The following PLSCR4 variants were observed in gnomAD, a reference collection of about 807,000 sequenced individuals.
PLSCR4 encodes the protein Ca(2+)-dependent phospholipid scramblase 4.
A neutral mutation model predicts 36.3 loss-of-function variants in PLSCR4; 25 were observed. The ratio of observed to expected loss-of-function variants is 0.69; its 90% CI spans 0.50 to 0.96. The LOEUF (loss-of-function observed/expected upper bound fraction) is 0.96. Among genes scored for constraint, PLSCR4 ranks in the 40% least tolerant of loss-of-function variants. PLSCR4 has a pLI of 0.00. For synonymous variants in PLSCR4, 122 were observed against 132.9 expected (o/e 0.92, Z 0.56); for missense variants, 408 against 414.7 (o/e 0.98, Z 0.14).
At chr3:146,241,458 T>C (rs1279214616) in intron 1 of PLSCR4, among the ~76,000 whole-genome samples, 3 of 152,036 alleles carry the variant, frequency 2.0e-5, no homozygotes, top group Non-Finnish European at 4.4e-5. Context: ...TAAGAGACAA[T>C]TTCTTAACAA....
At chr3:146,213,061 C>T (rs1220284600) in intron 3 of PLSCR4, among the ~76,000 whole-genome samples, 2 of 152,098 alleles carry the variant, frequency 1.3e-5, no homozygotes, top group African/African-American at 4.8e-5. Context: ...AATCTTTTAT[C>T]CATGGGATAA....
Position 146,192,351 on chromosome 3 carries a change from T to C in PLSCR4, c.*2060A>G, listed in dbSNP as rs1026516585. Reference sequence around the variant, plus strand: ...AAAACAGTGTTTTACTATTAACCATTGTATATTTATTTAAAAGCCATAAAG... The same window carrying C: ...AAAACAGTGTTTTACTATTAACCATCGTATATTTATTTAAAAGCCATAAAG... On this transcript the variant is annotated 3_prime_UTR_variant, in exon 9 of 9. Transcript: ENST00000354952. 1 of 150,546 alleles carries C rather than the reference T, an allele frequency of 6.6e-6. No individual in the cohort carries two copies. The highest frequency in any genetic ancestry group is 2.4e-5 in the African/African-American group (1 of 41,162). 9.3% of individuals were successfully genotyped at this position (150,546 alleles called of 1,614,324 possible).
intron 3 of PLSCR4, among the ~76,000 whole-genome samples, chr3:146,216,423 A>G (rs1232400293): frequency 6.6e-6 from 1 of 150,800 alleles, no homozygotes; most frequent in Non-Finnish European, 1.5e-5. Flanking sequence ...AGAGAAAGCT[A>G]TGTTGATTAA....
In PLSCR4 at chr3:146,218,148, C is replaced by T. The variant is rs766458146; in HGVS notation, c.118+2667G>A. Among the ~76,000 whole-genome samples the T allele has an allele frequency of 1.2e-4, 18 of 151,870 alleles. No individual in the cohort carries two copies. The South Asian group carries it at 1.3e-3, about 11-fold the overall frequency. On this transcript the variant is annotated intron_variant, in intron 3 of 8. Coordinates refer to ENST00000354952, the MANE Select transcript of PLSCR4 (RefSeq NM_020353.3). The stretch of plus-strand genomic sequence containing the variant: ...GAGTTAAGTGAGAAAAAAAGTATAA[C>T]GTATTTGGAAAAAAGTGAAGGTAAG...
intron 1 of PLSCR4, among the ~76,000 whole-genome samples, chr3:146,243,308 C>A (rs1002597625): frequency 2.0e-5 from 3 of 151,892 alleles, no homozygotes; most frequent in African/African-American, 7.3e-5. Context: ...ATATATACAT[C>A]TCTTTCTTAT....
chr3:146,224,705 C>T (rs373586528), intron 1 of PLSCR4, among the ~76,000 whole-genome samples: 11 of 152,110 alleles, frequency 7.2e-5, no homozygotes, highest in Admixed American at 3.9e-4. Flanking sequence ...AATGCTGGCT[C>T]GGGCAGCCTG....
chr3:146,208,005 G>A (rs1322351717), intron 3 of PLSCR4, among the ~76,000 whole-genome samples: 3 of 152,056 alleles, frequency 2.0e-5, no homozygotes, highest in Non-Finnish European at 4.4e-5. Context: ...GAACAAATCT[G>A]GAGGCATCAC....
Position 146,201,399 on chromosome 3 carries a change from T to C in PLSCR4, c.355-322A>G, listed in dbSNP as rs571557081. 4.6e-5 allele frequency among the ~76,000 whole-genome samples: 7 copies of C among 152,198 alleles called. No individual in the cohort carries two copies. The East Asian group carries it at 1.2e-3, about 25-fold the overall frequency. On this transcript the variant is annotated intron_variant, in intron 4 of 8. Coordinates refer to ENST00000354952, the MANE Select transcript of PLSCR4 (RefSeq NM_020353.3). The stretch of plus-strand genomic sequence containing the variant: ...AGAAGCTGTGCTTATAGATTGTTCC[T>C]AGATAAGTCCCTACTCACTGGTCTC...
intron 1 of PLSCR4, among the ~76,000 whole-genome samples, chr3:146,233,370 T>G (rs1254981978): frequency 1.3e-5 from 2 of 152,146 alleles, no homozygotes; most frequent in South Asian, 4.1e-4. Context: ...AACAGTCATA[T>G]TTCAAAATTT....
chr3:146,239,353 A>G (rs1024134568), intron 1 of PLSCR4, among the ~76,000 whole-genome samples: 1 of 152,192 alleles, frequency 6.6e-6, no homozygotes, highest in South Asian at 2.1e-4. Context: ...CAATCAAAAC[A>G]GTATGGCATT....
At chr3:146,224,317 G>T (rs1185563492) in intron 1 of PLSCR4, among the ~76,000 whole-genome samples, 1 of 152,230 alleles carries the variant, frequency 6.6e-6, no homozygotes, top group Admixed American at 6.5e-5. Flanking sequence ...CACGTGGACA[G>T]AGATGTATCT....
intron 7 of PLSCR4, among the ~76,000 whole-genome samples, chr3:146,195,547 A>T (rs2033690892): frequency 6.6e-6 from 1 of 152,216 alleles, no homozygotes; most frequent in Admixed American, 6.5e-5. Context: ...AAGAGGTATG[A>T]TTTGAACTGA....
chr3:146,205,124 T>G (rs2034252761), intron 4 of PLSCR4, among the ~76,000 whole-genome samples: 1 of 151,982 alleles, frequency 6.6e-6, no homozygotes, highest in African/African-American at 2.4e-5. Flanking sequence ...GAGGTAAGTA[T>G]TAAATTGGGA....
chr3:146,206,454 C>CT (rs1453132734), intron 4 of PLSCR4, 72 bp downstream of exon 4: 4 of 1,151,660 alleles, frequency 3.5e-6, no homozygotes, highest in South Asian at 1.3e-5. Flanking sequence ...CTCTGGTCTG[C>CT]TTTTTTTCTC....
intron 1 of PLSCR4, among the ~76,000 whole-genome samples, chr3:146,249,560 TGAA>T (rs1208796875): frequency 2.6e-5 from 4 of 151,630 alleles, no homozygotes; most frequent in Non-Finnish European, 5.9e-5. Flanking sequence ...TTTTATTATA[TGAA>T]GAAGTCTCCA....
intron 1 of PLSCR4, among the ~76,000 whole-genome samples, chr3:146,239,519 C>CAAAAA (rs34713180): frequency 9.0e-6 from 1 of 110,582 alleles, no homozygotes; most frequent in African/African-American, 3.1e-5. Context: ...CATCCACATA[C>CAAAAA]AAAAAAAAAA....
At chr3:146,240,688 G>A (rs140932581) in intron 1 of PLSCR4, among the ~76,000 whole-genome samples, 3 of 140,404 alleles carry the variant, frequency 2.1e-5, no homozygotes, top group East Asian at 2.1e-4. Context: ...CACGTTTTAG[G>A]AGAGATATGT....
At chr3:146,232,959 AC>A (rs77157773) in intron 1 of PLSCR4, among the ~76,000 whole-genome samples, 100,429 of 151,950 alleles carry the variant, frequency 0.66, 36,243 homozygotes, top group Non-Finnish European at 0.8. Flanking sequence ...CTCTGGACAT[AC>A]TTTTGTTTCC....
At chr3:146,220,753 A>G (rs2035096644) in intron 3 of PLSCR4, 62 bp downstream of exon 3, 1 of 1,034,610 alleles carries the variant, frequency 9.7e-7, no homozygotes, top group Non-Finnish European at 1.5e-6. Flanking sequence ...CTTAAAAAGC[A>G]ATTTTAATCA....
Sources: allele counts gnomAD v4.1 joint callset (sites outside exome capture counted in the v4.1 genomes callset), GRCh38; gene constraint gnomAD v4.1.1; transcripts MANE v1.5; gene names NCBI Gene and HGNC (gene_info 2026-07-23, HGNC 2026-07-21).